CNBP: variants seen among roughly 807,000 people sequenced by gnomAD.
CNBP encodes the protein cellular nucleic acid-binding protein.
CNBP carries 6 observed loss-of-function variants against 21.2 expected under a neutral mutation model. The observed-to-expected ratio is 0.28, with a 90% CI of 0.16 to 0.56. The LOEUF is 0.56. Ranked by LOEUF, CNBP falls within the 20% of genes least tolerant of loss-of-function variation. The probability of loss-of-function intolerance (pLI) is 0.93; values close to 1 mark genes in which losing one functional copy is unlikely to be tolerated. For missense variants in CNBP, 112 were observed against 233.1 expected, an observed-to-expected ratio of 0.48 and a Z score of 3.38; for synonymous variants, 61 against 74.9, an observed-to-expected ratio of 0.81 and a Z score of 0.96.
At chr3:129,172,695 GACACACACACACACAC>G (rs1553787467) in intron 1 of CNBP, among the ~76,000 whole-genome samples, 5 of 78,814 alleles carry the variant, frequency 6.3e-5, no homozygotes, top group Non-Finnish European at 2.6e-5. Flanking sequence ...CAGACAGACA[GACACACACACACACAC>G]ACACACACAC....
intron 1 of CNBP, among the ~76,000 whole-genome samples, chr3:129,182,117 T>C (rs922944160): frequency 6.6e-6 from 1 of 152,286 alleles, no homozygotes; most frequent in Middle Eastern, 3.4e-3. Flanking sequence ...GTTATACTGC[T>C]TGAACAAACA....
Position 129,169,056 on chromosome 3 carries a change from C to T in CNBP, c.*1397G>A, listed in dbSNP as rs1374153391. On this transcript the variant is annotated 3_prime_UTR_variant, in exon 5 of 5. Coordinates refer to ENST00000422453, the MANE Select transcript of CNBP (RefSeq NM_003418.5). ...GGCGGAGCTTGCAGTGAGCCGAGAT[C>T]GCACCACTACACTCCAGCCTGGGCA... Among the ~76,000 whole-genome samples the T allele has an allele frequency of 2.7e-5, 4 of 149,368 alleles. No individual in the cohort carries two copies. Among genetic ancestry groups the T allele is most frequent in the East Asian group, 3.9e-4 (2 of 5,070 alleles).
In CNBP at chr3:129,174,014, T is replaced by C. The variant is rs550172599; in HGVS notation, c.-14-2243A>G. ...GAAGTTGAGTTTCAAAAAGTTCCCA[T>C]TGTCAAATATACAAAAGAAAATAAC... On this transcript the variant is annotated intron_variant, in intron 1 of 4. Transcript: ENST00000422453. 3.9e-5 allele frequency among the ~76,000 whole-genome samples: 6 copies of C among 152,252 alleles called. No individual in the cohort carries two copies. In the South Asian group the frequency reaches 8.3e-4, roughly 21 times the overall value.
intron 1 of CNBP, among the ~76,000 whole-genome samples, chr3:129,177,881 C>T (rs75028925): frequency 0.028 from 4,272 of 152,194 alleles, 179 homozygotes; most frequent in African/African-American, 0.096. Context: ...AGGTCTGGGC[C>T]GGGCGGGGTG....
intron 1 of CNBP, among the ~76,000 whole-genome samples, chr3:129,176,342 G>A (rs748085649): frequency 6.6e-6 from 1 of 152,116 alleles, no homozygotes; most frequent in African/African-American, 2.4e-5. Context: ...TCCCAGCCTG[G>A]AACTACCCTC....
chr3:129,171,782 T>C lies in CNBP; in HGVS notation c.-14-11A>G, dbSNP rs756079943. The C allele has an allele frequency of 9.3e-6, 15 of 1,607,062 alleles. No individual in the cohort carries two copies. The highest frequency in any genetic ancestry group is 1.3e-5 in the African/African-American group (1 of 74,624). On this transcript the variant is annotated splice_polypyrimidine_tract_variant and intron_variant, in intron 1 of 4. Transcript: ENST00000422453. ...TGGCTGCAGTCAGATCTTTGAAATA[T>C]TAAAAGTAACAGCATTAAACCACTG...
intron 1 of CNBP, among the ~76,000 whole-genome samples, chr3:129,180,128 T>A (rs771493149): frequency 6.6e-5 from 10 of 152,026 alleles, no homozygotes; most frequent in Non-Finnish European, 1.2e-4. Context: ...CAATTCAATC[T>A]CTACTTCAAA....
rs557809721 is a variant in CNBP at position 129,168,105 on chromosome 3, A to T, written c.*2348T>A. ...TACCCAAAGTCAAGAATCACACAGC[A>T]GCATGGAGGGGGAAAATGAACTATA... On this transcript the variant is annotated 3_prime_UTR_variant, in exon 5 of 5. Transcript: ENST00000422453. Among the ~76,000 whole-genome samples, 1 of 152,318 alleles carries T rather than the reference A, an allele frequency of 6.6e-6. No homozygotes were observed. The highest frequency in any genetic ancestry group is 2.1e-4 in the South Asian group (1 of 4,822).
intron 1 of CNBP, among the ~76,000 whole-genome samples, chr3:129,172,153 A>T (rs1291422750): frequency 1.3e-5 from 2 of 152,188 alleles, no homozygotes; most frequent in Non-Finnish European, 2.9e-5. Flanking sequence ...CCTGGGCAAC[A>T]TTGAGACTCT....
At chr3:129,171,048 GTT>G in intron 4 of CNBP, 29 bp downstream of exon 4, 1 of 1,588,480 alleles carries the variant, frequency 6.3e-7, no homozygotes, top group Non-Finnish European at 8.6e-7. Context: ...TCTGCAATGA[GTT>G]TTCTTCTAAC....
At chr3:129,172,695 GACACACAC>G (rs1553787467) in intron 1 of CNBP, among the ~76,000 whole-genome samples, 972 of 78,858 alleles carry the variant, frequency 0.012, 13 homozygotes, top group African/African-American at 0.04. Context: ...CAGACAGACA[GACACACAC>G]ACACACACAC....
At chr3:129,183,264 A>C (rs186098199) in intron 1 of CNBP, among the ~76,000 whole-genome samples, 7 of 152,222 alleles carry the variant, frequency 4.6e-5, no homozygotes, top group African/African-American at 1.2e-4. Context: ...CCCTTTTCTA[A>C]GGCCCCCAAA....
At chr3:129,172,697 C>CAGACAGACAGACAG (rs1193797460) in intron 1 of CNBP, among the ~76,000 whole-genome samples, 1 of 113,020 alleles carries the variant, frequency 8.8e-6, no homozygotes, top group African/African-American at 3.5e-5. Context: ...GACAGACAGA[C>CAGACAGACAGACAG]ACACACACAC....
chr3:129,173,874 C>CCTAA (rs1323929783), intron 1 of CNBP, among the ~76,000 whole-genome samples: 11 of 152,146 alleles, frequency 7.2e-5, no homozygotes, highest in Non-Finnish European at 1.3e-4. Context: ...AATTAGCTAA[C>CCTAA]CTAACCACAG....
rs1489874361 is a variant in CNBP at position 129,170,543 on chromosome 3, G to A, written c.444C>T (p.Ile148=). ...TGACTTCACTTGTCTTGCTGCAGTT[G>A]ATGGCTACATGACCAGTTTCACCAC... ...YRCGETGHVA[I]NCSKTSEVNC... is the part of the protein sequence containing the mutation. Residue 148 remains isoleucine (I), a synonymous_variant, in exon 5 of 5, where the codon ATC becomes ATT. Coordinates refer to ENST00000422453, the MANE Select transcript of CNBP (RefSeq NM_003418.5). 5 of 1,614,164 alleles carry A rather than the reference G, an allele frequency of 3.1e-6. No homozygotes were observed. Among genetic ancestry groups the A allele is most frequent in the Middle Eastern group, 3.3e-4 (2 of 6,062 alleles).
intron 3 of CNBP, 70 bp downstream of exon 3, chr3:129,171,376 T>C (rs1368300870): frequency 1.9e-6 from 3 of 1,589,692 alleles, no homozygotes; most frequent in Admixed American, 3.3e-5. Flanking sequence ...GTGGAAATGC[T>C]ATACACAGTT....
intron 1 of CNBP, among the ~76,000 whole-genome samples, chr3:129,178,030 A>C (rs1435594719): frequency 6.6e-6 from 1 of 151,984 alleles, no homozygotes. Context: ...ATGGTGGTGC[A>C]TGCCTGTAAT....
intron 1 of CNBP, among the ~76,000 whole-genome samples, chr3:129,179,863 G>A (rs965492524): frequency 3.3e-5 from 5 of 152,048 alleles, no homozygotes; most frequent in Admixed American, 1.3e-4. Context: ...AAAATTAGCC[G>A]GGCGTGGTGG....
At chr3:129,176,472 T>C (rs555280952) in intron 1 of CNBP, among the ~76,000 whole-genome samples, 1 of 152,324 alleles carries the variant, frequency 6.6e-6, no homozygotes, top group East Asian at 1.9e-4. Context: ...GAACACCCCA[T>C]ATAGTTATCC....
Sources: gnomAD v4.1 joint callset for allele counts (sites outside exome capture counted in the v4.1 genomes callset) on GRCh38, gnomAD v4.1.1 for gene constraint, MANE v1.5 for transcripts, NCBI Gene and HGNC (gene_info 2026-07-23, HGNC 2026-07-21) for gene names.